Variants in FHIT observed in about 807,000 individuals in gnomAD.
FHIT encodes the protein fragile histidine triad diadenosine triphosphatase, also known as bis(5'-adenosyl)-triphosphatase.
FHIT carries 19 observed loss-of-function variants against 17.9 expected under a neutral mutation model. The ratio of observed to expected loss-of-function variants is 1.06; its 90% CI spans 0.74 to 1.56. FHIT has a LOEUF of 1.56. FHIT is among the 40% of genes most tolerant of loss of function. FHIT has a pLI of 0.00. For synonymous variants in FHIT, 81 were observed against 69.7 expected (o/e 1.16, Z -0.81); for missense variants, 248 against 189.2 (o/e 1.31, Z -1.82).
At chr3:61,056,515 C>T (rs896704414) in intron 2 of FHIT, among the ~76,000 whole-genome samples, 3 of 152,114 alleles carry the variant, frequency 2.0e-5, no homozygotes, top group South Asian at 2.1e-4. Flanking sequence ...GAGTAAGAAG[C>T]GAAGCTGATG....
chr3:60,607,761 CATACAT>C (rs1553671741), intron 4 of FHIT, among the ~76,000 whole-genome samples: 1 of 152,070 alleles, frequency 6.6e-6, no homozygotes, highest in African/African-American at 2.4e-5. Context: ...GTCTGCAATA[CATACAT>C]ATACATATAT....
chr3:60,069,569 A>G (rs1371608504), intron 5 of FHIT, among the ~76,000 whole-genome samples: 1 of 152,248 alleles, frequency 6.6e-6, no homozygotes, highest in Non-Finnish European at 1.5e-5. Flanking sequence ...AGAGACTCAT[A>G]TATTTTAAAG....
intron 3 of FHIT, among the ~76,000 whole-genome samples, chr3:60,926,906 A>G (rs1451673536): frequency 1.3e-5 from 2 of 152,180 alleles, no homozygotes; most frequent in Admixed American, 6.5e-5. Flanking sequence ...ACAAACTACC[A>G]TCACAGAATA....
At chr3:60,593,925 A>T (rs2038175896) in intron 4 of FHIT, among the ~76,000 whole-genome samples, 1 of 152,076 alleles carries the variant, frequency 6.6e-6, no homozygotes, top group South Asian at 2.1e-4. Flanking sequence ...AAGACCAAAT[A>T]TTCTCCCTCA....
At chr3:59,982,608 GATTTCTGTGCTCA>G (rs1428768053) in intron 7 of FHIT, among the ~76,000 whole-genome samples, 1 of 152,144 alleles carries the variant, frequency 6.6e-6, no homozygotes, top group Non-Finnish European at 1.5e-5. Flanking sequence ...TCTGCTTTAA[GATTTCTGTGCTCA>G]ATTTCCGGTA....
chr3:61,204,032 G>A (rs1257726172), intron 1 of FHIT, among the ~76,000 whole-genome samples: 3 of 152,092 alleles, frequency 2.0e-5, no homozygotes, highest in South Asian at 4.1e-4. Context: ...ATCAGTGAAA[G>A]TTACCCACAT....
intron 5 of FHIT, among the ~76,000 whole-genome samples, chr3:60,393,237 A>G (rs1016078106): frequency 1.3e-5 from 2 of 152,116 alleles, no homozygotes; most frequent in Non-Finnish European, 2.9e-5. Context: ...TTACAAAAGC[A>G]TCTTAAACTT....
At chr3:61,087,122 G>A (rs1442167427) in intron 2 of FHIT, among the ~76,000 whole-genome samples, 1 of 152,020 alleles carries the variant, frequency 6.6e-6, no homozygotes, top group African/African-American at 2.4e-5. Flanking sequence ...TCTTCAAAGA[G>A]GCCTTCTCAA....
intron 3 of FHIT, among the ~76,000 whole-genome samples, chr3:60,874,061 G>C (rs962029021): frequency 1.1e-4 from 16 of 152,072 alleles, no homozygotes; most frequent in Admixed American, 5.9e-4. Context: ...TGAAATTATT[G>C]AACTGTATTG....
chr3:60,072,423 C>T (rs1260757072), intron 5 of FHIT, among the ~76,000 whole-genome samples: 1 of 151,854 alleles, frequency 6.6e-6, no homozygotes. Flanking sequence ...AGAAACCAAC[C>T]AAGTCAACAA....
intron 5 of FHIT, among the ~76,000 whole-genome samples, chr3:60,513,333 C>T (rs1294034515): frequency 2.0e-5 from 3 of 152,178 alleles, no homozygotes; most frequent in Non-Finnish European, 4.4e-5. Flanking sequence ...ACAGACCACC[C>T]ATGGAATTTC....
intron 5 of FHIT, among the ~76,000 whole-genome samples, chr3:60,044,458 G>A (rs71313739): frequency 6.6e-6 from 1 of 152,130 alleles, no homozygotes. Flanking sequence ...TCACAATGTT[G>A]CAAAGCAAAT....
At chr3:61,171,357 TC>T (rs1189385056) in intron 2 of FHIT, among the ~76,000 whole-genome samples, 2 of 152,232 alleles carry the variant, frequency 1.3e-5, no homozygotes, top group African/African-American at 4.8e-5. Context: ...TAGACTTCTG[TC>T]AAATGCATAG....
At chr3:60,305,739 G>C (rs1247359250) in intron 5 of FHIT, among the ~76,000 whole-genome samples, 1 of 152,202 alleles carries the variant, frequency 6.6e-6, no homozygotes, top group Non-Finnish European at 1.5e-5. Context: ...TCAGAATGCA[G>C]TGCAATAGAC....
intron 4 of FHIT, among the ~76,000 whole-genome samples, chr3:60,675,692 GACCTC>G (rs1294200247): frequency 2.0e-5 from 3 of 152,154 alleles, no homozygotes; most frequent in Non-Finnish European, 4.4e-5. Context: ...GATAGACTCT[GACCTC>G]AGCCTACCAA....
chr3:60,515,096 CG>C (rs1412746275), intron 5 of FHIT, among the ~76,000 whole-genome samples: 1 of 151,986 alleles, frequency 6.6e-6, no homozygotes, highest in Non-Finnish European at 1.5e-5. Flanking sequence ...CAGGCAGGCG[CG>C]GAGTGGTGCC....
chr3:60,303,880 G>A (rs1708551002), intron 5 of FHIT, among the ~76,000 whole-genome samples: 1 of 152,152 alleles, frequency 6.6e-6, no homozygotes, highest in Non-Finnish European at 1.5e-5. Flanking sequence ...AGACAGGAGT[G>A]CCCAGCACTT....
rs188995506 is a variant in FHIT at position 60,928,984 on chromosome 3, G to A, written c.-110-106973C>T. ...ATCCTCAATAAAATACTGGCAAACCGAATCCAGCAGCACATCAAAAAGCTT... is the reference window on the plus strand; with the variant it reads ...ATCCTCAATAAAATACTGGCAAACCAAATCCAGCAGCACATCAAAAAGCTT... On this transcript the variant is annotated intron_variant, in intron 3 of 9. Transcript: ENST00000492590. 1.8e-3 allele frequency among the ~76,000 whole-genome samples: 269 copies of A among 152,214 alleles called. 6 individuals carry two copies. Among genetic ancestry groups the A allele is most frequent in the Admixed American group, 0.012 (187 of 15,286 alleles).
At chr3:60,609,616 C>A (rs891622312) in intron 4 of FHIT, among the ~76,000 whole-genome samples, 9 of 152,102 alleles carry the variant, frequency 5.9e-5, no homozygotes, top group Non-Finnish European at 7.4e-5. Context: ...TGAGCCACCG[C>A]GCCCAGCCCT....
Sources: allele counts gnomAD v4.1 joint callset (sites outside exome capture counted in the v4.1 genomes callset), GRCh38; gene constraint gnomAD v4.1.1; transcripts MANE v1.5; gene names NCBI Gene and HGNC (gene_info 2026-07-23, HGNC 2026-07-21).